The following RABGAP1L variants were observed in gnomAD, a reference collection of about 807,000 sequenced individuals.
RABGAP1L encodes RAB GTPase activating protein 1 like.
A neutral mutation model predicts 137.7 loss-of-function variants in RABGAP1L; 63 were observed. That is an observed-to-expected ratio of 0.46 (90% confidence interval 0.37 to 0.56). RABGAP1L has a LOEUF of 0.56. Among genes scored for constraint, RABGAP1L ranks in the 20% least tolerant of loss-of-function variants. The pLI, the probability that RABGAP1L is intolerant of heterozygous loss-of-function variation, is 0.00. For synonymous variants in RABGAP1L, 431 were observed against 433.7 expected (o/e 0.99, Z 0.08); for missense variants, 1,095 against 1,244.0 (o/e 0.88, Z 1.80).
At chr1:174,454,036 G>A (rs914710782) in intron 13 of RABGAP1L, among the ~76,000 whole-genome samples, 5 of 152,012 alleles carry the variant, frequency 3.3e-5, no homozygotes, top group African/African-American at 9.7e-5. Context: ...AGGCCGAGGC[G>A]GGCAGATCAC....
At chr1:174,334,449 G>A (rs1165033144) in intron 11 of RABGAP1L, among the ~76,000 whole-genome samples, 1 of 152,126 alleles carries the variant, frequency 6.6e-6, no homozygotes, top group Non-Finnish European at 1.5e-5. Flanking sequence ...TCCTTTGGTG[G>A]CTTCTCATTT....
At chr1:174,876,593 G>A (rs1195358640) in intron 19 of RABGAP1L, among the ~76,000 whole-genome samples, 1 of 152,112 alleles carries the variant, frequency 6.6e-6, no homozygotes, top group Non-Finnish European at 1.5e-5. Flanking sequence ...AATTTAAAAA[G>A]CACTACTGGT....
rs549321040 is a variant in RABGAP1L at position 174,891,263 on chromosome 1, T to C, written c.2341-66194T>C. On this transcript the variant is annotated intron_variant, in intron 19 of 25. Coordinates refer to ENST00000681986, the MANE Select transcript of RABGAP1L (RefSeq NM_001366446.1). ...ATGGCACAAGAGGATTTTTAACTTA[T>C]TCCATCTGGCTAAAATGTAGGGGGT... Among the ~76,000 whole-genome samples the C allele has an allele frequency of 1.6e-4, 24 of 152,294 alleles. 1 individual carries two copies. The South Asian group carries it at 2.3e-3, about 14-fold the overall frequency.
intron 1 of RABGAP1L, among the ~76,000 whole-genome samples, chr1:174,192,585 G>A (rs984188007): frequency 6.6e-6 from 1 of 152,056 alleles, no homozygotes; most frequent in African/African-American, 2.4e-5. Context: ...GCCTCCCAAA[G>A]TGCTGGGATT....
intron 13 of RABGAP1L, chr1:174,547,793 ATTACATAG>A: frequency 6.9e-7 from 1 of 1,442,178 alleles, no homozygotes. Context: ...TTTATTACCT[ATTACATAG>A]TATTTGAAAA....
At chr1:174,772,496 A>C in intron 18 of RABGAP1L, among the ~76,000 whole-genome samples, 1 of 128,652 alleles carries the variant, frequency 7.8e-6, no homozygotes, top group South Asian at 2.6e-4. Context: ...TGAACCCGGG[A>C]GGCGGAGCTT....
rs764749961 is a variant in RABGAP1L at position 174,275,830 on chromosome 1, T to A, written c.1054-3T>A. ...TCAGTAATTACTGTTTGAATTTTTA[T>A]AGGAATCCATGGGAAAGAGCTATGA... On this transcript the variant is annotated splice_polypyrimidine_tract_variant and splice_region_variant and intron_variant, in intron 8 of 25. Coordinates refer to ENST00000681986, the MANE Select transcript of RABGAP1L (RefSeq NM_001366446.1). 10 of 1,605,546 alleles carry A rather than the reference T, an allele frequency of 6.2e-6. No individual in the cohort carries two copies. The highest frequency in any genetic ancestry group is 8.5e-6 in the Non-Finnish European group (10 of 1,174,966).
chr1:174,880,556 T>TCTCC lies in RABGAP1L; in HGVS notation c.2340+68612_2340+68615dup, dbSNP rs566253188. The stretch of plus-strand genomic sequence containing the variant: ...TTTTTCTTTTCTTTCTTTCCTTCTT[T>TCTCC]CTCCCTCCCTCCCTCCCTCTCTTCC... On this transcript the variant is annotated intron_variant, in intron 19 of 25. Transcript: ENST00000681986. Among the ~76,000 whole-genome samples the TCTCC allele has an allele frequency of 8.8e-3, 1,332 of 151,206 alleles. 18 individuals carry two copies. The highest frequency in any genetic ancestry group is 0.031 in the African/African-American group (1,272 of 40,902).
At chr1:174,432,238 G>T (rs1652723074) in intron 13 of RABGAP1L, among the ~76,000 whole-genome samples, 1 of 152,082 alleles carries the variant, frequency 6.6e-6, no homozygotes, top group Admixed American at 6.6e-5. Context: ...GCATTAATTT[G>T]CTTAGGATAA....
intron 13 of RABGAP1L, among the ~76,000 whole-genome samples, chr1:174,566,442 G>A (rs1346544656): frequency 1.3e-5 from 2 of 152,138 alleles, no homozygotes; most frequent in African/African-American, 4.8e-5. Flanking sequence ...GATAGAATTA[G>A]TGTCATGGTT....
chr1:174,396,152 C>T lies in RABGAP1L; in HGVS notation c.1710+2007C>T, dbSNP rs577541051. Among the ~76,000 whole-genome samples, 186 of 151,810 alleles carry T rather than the reference C, an allele frequency of 1.2e-3. 1 individual carries two copies. The highest frequency in any genetic ancestry group is 2.1e-3 in the Non-Finnish European group (144 of 67,942). ...GAGACAGAAAGTAGACTAATAGTTG[C>T]CAGGGGTTGGAGGAAAAAGGAATTG... On this transcript the variant is annotated intron_variant, in intron 13 of 25. Coordinates refer to ENST00000681986, the MANE Select transcript of RABGAP1L (RefSeq NM_001366446.1).
At chr1:174,423,056 A>C (rs957766690) in intron 13 of RABGAP1L, among the ~76,000 whole-genome samples, 5 of 151,772 alleles carry the variant, frequency 3.3e-5, no homozygotes, top group Non-Finnish European at 4.4e-5. Flanking sequence ...ATATAATTTC[A>C]TTTAACCTTT....
At chr1:174,304,210 A>G (rs561135237) in intron 10 of RABGAP1L, among the ~76,000 whole-genome samples, 1 of 152,230 alleles carries the variant, frequency 6.6e-6, no homozygotes, top group African/African-American at 2.4e-5. Flanking sequence ...TAGTCTATTA[A>G]TATAGTGGAT....
intron 14 of RABGAP1L, among the ~76,000 whole-genome samples, chr1:174,664,715 CT>C (rs1676623611): frequency 8.3e-6 from 1 of 120,208 alleles, no homozygotes; most frequent in African/African-American, 3.6e-5. Flanking sequence ...CTCTCTCTTT[CT>C]TTCTTTCTTT....
intron 19 of RABGAP1L, among the ~76,000 whole-genome samples, chr1:174,816,448 G>A (rs1046111529): frequency 6.6e-6 from 1 of 151,528 alleles, no homozygotes; most frequent in South Asian, 2.1e-4. Flanking sequence ...ACCAGGCCTC[G>A]TAATATATAG....
intron 19 of RABGAP1L, chr1:174,893,093 T>C: frequency 2.8e-6 from 1 of 360,190 alleles, no homozygotes; most frequent in Non-Finnish European, 5.7e-6. Context: ...TATTGGAAAG[T>C]GATTGGTGAC....
At chr1:174,334,854 C>A (rs1411799121) in intron 11 of RABGAP1L, among the ~76,000 whole-genome samples, 1 of 152,024 alleles carries the variant, frequency 6.6e-6, no homozygotes, top group Non-Finnish European at 1.5e-5. Flanking sequence ...TAAAATTATT[C>A]AATAATGAGA....
At chr1:174,790,818 G>C (rs148323512) in intron 18 of RABGAP1L, among the ~76,000 whole-genome samples, 2 of 151,658 alleles carry the variant, frequency 1.3e-5, no homozygotes, top group East Asian at 3.9e-4. Context: ...TTTATGTATG[G>C]TGGGAGAGCT....
At chr1:174,166,727 G>A (rs1664941337) in intron 1 of RABGAP1L, among the ~76,000 whole-genome samples, 1 of 152,232 alleles carries the variant, frequency 6.6e-6, no homozygotes, top group Non-Finnish European at 1.5e-5. Flanking sequence ...TAATTAAATA[G>A]TGTGTAGTCG....
Sources: allele counts gnomAD v4.1 joint callset (sites outside exome capture counted in the v4.1 genomes callset), GRCh38; gene constraint gnomAD v4.1.1; transcripts MANE v1.5; gene names NCBI Gene and HGNC (gene_info 2026-07-23, HGNC 2026-07-21).